Variants in KCNH8 observed in about 807,000 individuals in gnomAD.
KCNH8 encodes the protein potassium voltage-gated channel subfamily H member 8, also known as voltage-gated delayed rectifier potassium channel KCNH8.
A neutral mutation model predicts 103.6 loss-of-function variants in KCNH8; 70 were observed. The observed-to-expected ratio is 0.68, with a 90% CI of 0.56 to 0.82. The LOEUF (loss-of-function observed/expected upper bound fraction) is 0.82. KCNH8 is among the 40% of genes least tolerant of loss of function. The probability of loss-of-function intolerance (pLI) is 0.00; values close to 1 mark genes in which losing one functional copy is unlikely to be tolerated. For missense variants in KCNH8, 1,217 were observed against 1,329.9 expected (o/e 0.92, Z 1.32); for synonymous variants, 498 against 489.4 (o/e 1.02, Z -0.23).
intron 1 of KCNH8, among the ~76,000 whole-genome samples, chr3:19,159,034 T>C (rs1460596683): frequency 6.6e-6 from 1 of 151,894 alleles, no homozygotes; most frequent in Non-Finnish European, 1.5e-5. Flanking sequence ...GGCTTGTTGT[T>C]TGAGAGGTAA....
chr3:19,283,753 CA>C (rs967428039), intron 3 of KCNH8, among the ~76,000 whole-genome samples: 7 of 149,046 alleles, frequency 4.7e-5, no homozygotes, highest in African/African-American at 1.5e-4. Flanking sequence ...CTGTCTTTAC[CA>C]AAAAAAATAT....
intron 7 of KCNH8, among the ~76,000 whole-genome samples, chr3:19,400,729 C>T (rs1575019450): frequency 1.3e-5 from 2 of 151,758 alleles, no homozygotes; most frequent in East Asian, 1.9e-4. Flanking sequence ...TCCTGATCCT[C>T]GTTGGATAAA....
At chr3:19,253,576 T>C in intron 1 of KCNH8, 78 bp from the exon 2 acceptor site, 1 of 1,149,142 alleles carries the variant, frequency 8.7e-7, no homozygotes, top group Non-Finnish European at 1.3e-6. Context: ...ACACATATGC[T>C]GATAATTTAT....
intron 5 of KCNH8, 84 bp from the exon 6 acceptor site, chr3:19,390,397 C>G: frequency 9.7e-7 from 1 of 1,031,678 alleles, no homozygotes; most frequent in Non-Finnish European, 1.4e-6. Context: ...CCCTTCCTTT[C>G]TTCTTTCTTT....
chr3:19,431,083 C>T (rs1020451370), intron 7 of KCNH8, among the ~76,000 whole-genome samples: 2 of 152,116 alleles, frequency 1.3e-5, no homozygotes, highest in Non-Finnish European at 2.9e-5. Flanking sequence ...GGAATGGTTC[C>T]AGCTTTTGCC....
intron 1 of KCNH8, among the ~76,000 whole-genome samples, chr3:19,252,601 G>A (rs953945729): frequency 6.6e-6 from 1 of 151,918 alleles, no homozygotes; most frequent in Non-Finnish European, 1.5e-5. Flanking sequence ...TATTGGCCAG[G>A]CTGGTTTTGA....
At chr3:19,462,981 C>T (rs1283348535) in intron 11 of KCNH8, among the ~76,000 whole-genome samples, 1 of 152,104 alleles carries the variant, frequency 6.6e-6, no homozygotes, top group Admixed American at 6.6e-5. Context: ...CAATCAAAAT[C>T]ATCAAAAAGT....
intron 7 of KCNH8, among the ~76,000 whole-genome samples, chr3:19,434,744 C>T (rs1450716542): frequency 1.3e-5 from 2 of 152,080 alleles, no homozygotes; most frequent in African/African-American, 4.8e-5. Context: ...TTCTTAATTA[C>T]TGTTAAAGTA....
At chr3:19,381,925 A>C (rs1027671581) in intron 5 of KCNH8, among the ~76,000 whole-genome samples, 2 of 152,160 alleles carry the variant, frequency 1.3e-5, no homozygotes, top group African/African-American at 4.8e-5. Flanking sequence ...ATCAATGAGA[A>C]CCAGGACAGT....
chr3:19,391,535 T>C (rs774271662), intron 6 of KCNH8, among the ~76,000 whole-genome samples: 12 of 152,086 alleles, frequency 7.9e-5, no homozygotes, highest in Non-Finnish European at 1.2e-4. Context: ...TTTAAAGGCA[T>C]AGTTTTAAAT....
chr3:19,453,890 G>A (rs1054401331), intron 10 of KCNH8, among the ~76,000 whole-genome samples: 3 of 152,078 alleles, frequency 2.0e-5, no homozygotes, highest in Admixed American at 1.3e-4. Context: ...TAAAGGTGAA[G>A]AGATAGACAC....
intron 11 of KCNH8, among the ~76,000 whole-genome samples, chr3:19,472,924 G>A (rs547521379): frequency 1.3e-5 from 2 of 152,224 alleles, no homozygotes; most frequent in African/African-American, 4.8e-5. Context: ...CTACATAGAG[G>A]TAAGAATGTC....
intron 7 of KCNH8, among the ~76,000 whole-genome samples, chr3:19,406,680 T>TAAAA (rs1373907002): frequency 6.6e-6 from 1 of 152,130 alleles, no homozygotes; most frequent in African/African-American, 2.4e-5. Context: ...GTTACTCTTT[T>TAAAA]ATTTAAGCCA....
intron 3 of KCNH8, among the ~76,000 whole-genome samples, chr3:19,286,742 G>A (rs928181161): frequency 6.6e-6 from 1 of 152,176 alleles, no homozygotes; most frequent in African/African-American, 2.4e-5. Flanking sequence ...GTGTTGTATT[G>A]TTTAGGGAAT....
At chr3:19,250,129 G>A (rs981390326) in intron 1 of KCNH8, among the ~76,000 whole-genome samples, 2 of 152,082 alleles carry the variant, frequency 1.3e-5, no homozygotes, top group Admixed American at 1.3e-4. Flanking sequence ...AATCTGTGTG[G>A]TAGTGTGTGC....
At chr3:19,428,007 A>G (rs1288524842) in intron 7 of KCNH8, among the ~76,000 whole-genome samples, 9 of 152,226 alleles carry the variant, frequency 5.9e-5, no homozygotes, top group Non-Finnish European at 8.8e-5. Context: ...GGATCAGGAG[A>G]TAGAAGCATA....
At chr3:19,399,438 C>T (rs1031913734) in intron 7 of KCNH8, among the ~76,000 whole-genome samples, 6 of 151,910 alleles carry the variant, frequency 3.9e-5, no homozygotes, top group Non-Finnish European at 7.4e-5. Context: ...TGAAGAACTC[C>T]ATTAGCATCC....
intron 5 of KCNH8, among the ~76,000 whole-genome samples, chr3:19,360,725 G>T (rs2065936940): frequency 6.6e-6 from 1 of 151,938 alleles, no homozygotes; most frequent in Non-Finnish European, 1.5e-5. Context: ...TAATATCAGA[G>T]ACAACATAAA....
intron 1 of KCNH8, among the ~76,000 whole-genome samples, chr3:19,156,621 A>AT (rs538155093): frequency 3.3e-5 from 5 of 149,542 alleles, no homozygotes; most frequent in African/African-American, 7.7e-5. Flanking sequence ...TCTAGTGTCC[A>AT]TTTTTTTTAA....
Sources: gnomAD v4.1 joint callset for allele counts (sites outside exome capture counted in the v4.1 genomes callset) on GRCh38, gnomAD v4.1.1 for gene constraint, MANE v1.5 for transcripts, NCBI Gene and HGNC (gene_info 2026-07-23, HGNC 2026-07-21) for gene names.